The following EXOC6B variants were observed in gnomAD, a reference collection of about 807,000 sequenced individuals.
EXOC6B encodes exocyst complex component 6B.
EXOC6B carries 54 observed loss-of-function variants against 113.5 expected under a neutral mutation model. The ratio of observed to expected loss-of-function variants is 0.48; its 90% CI spans 0.38 to 0.60. The LOEUF (loss-of-function observed/expected upper bound fraction) is 0.60. EXOC6B is among the 20% of genes least tolerant of loss of function. The probability of loss-of-function intolerance (pLI) is 0.00; values close to 1 mark genes in which losing one functional copy is unlikely to be tolerated. For missense variants in EXOC6B, 797 were observed against 977.5 expected (o/e 0.82, Z 2.46); for synonymous variants, 357 against 339.0 (o/e 1.05, Z -0.58).
chr2:72,535,008 T>C (rs997614799), intron 8 of EXOC6B, among the ~76,000 whole-genome samples: 6 of 152,138 alleles, frequency 3.9e-5, no homozygotes, highest in African/African-American at 1.4e-4. Context: ...TCAGGAAACC[T>C]CCATCAAAAC....
At chr2:72,626,604 T>C (rs1370819818) in intron 6 of EXOC6B, among the ~76,000 whole-genome samples, 1 of 152,168 alleles carries the variant, frequency 6.6e-6, no homozygotes, top group Non-Finnish European at 1.5e-5. Flanking sequence ...TTATTTGCTA[T>C]TTATATACCA....
chr2:72,508,176 A>C (rs1361016394), intron 11 of EXOC6B, among the ~76,000 whole-genome samples: 14 of 149,570 alleles, frequency 9.4e-5, no homozygotes, highest in African/African-American at 3.5e-4. Flanking sequence ...AAAAAAAAAA[A>C]AAAAAAAAAC....
rs192129881 is a variant in EXOC6B at position 72,298,311 on chromosome 2, C to A, written c.2196+36636G>T. On this transcript the variant is annotated intron_variant, in intron 20 of 21. Coordinates refer to ENST00000272427, the MANE Select transcript of EXOC6B (RefSeq NM_015189.3). ...TCAGAGACTAGGATTGCAACCCCTG[C>A]TTTTTTTTTAACTTTCCATTTGCTT... Among the ~76,000 whole-genome samples, 108 of 150,876 alleles carry A rather than the reference C, an allele frequency of 7.2e-4. 1 individual carries two copies. The East Asian group carries it at 0.02, about 29-fold the overall frequency.
chr2:72,782,465 T>C (rs1450451932), intron 1 of EXOC6B, among the ~76,000 whole-genome samples: 1 of 152,228 alleles, frequency 6.6e-6, no homozygotes, highest in Non-Finnish European at 1.5e-5. Context: ...ATAGACTGTG[T>C]AATGATTAAG....
intron 1 of EXOC6B, among the ~76,000 whole-genome samples, chr2:72,776,612 GT>G (rs940400250): frequency 2.0e-5 from 3 of 149,332 alleles, no homozygotes; most frequent in Admixed American, 2.0e-4. Context: ...AGACAGCCAG[GT>G]CTCAAAAAAA....
At chr2:72,214,794 T>G (rs1680413491) in intron 20 of EXOC6B, among the ~76,000 whole-genome samples, 1 of 152,188 alleles carries the variant, frequency 6.6e-6, no homozygotes, top group African/African-American at 2.4e-5. Context: ...AAACAAAAGC[T>G]GAGAACTCAG....
At chr2:72,301,700 T>C (rs1214722236) in intron 20 of EXOC6B, among the ~76,000 whole-genome samples, 1 of 152,200 alleles carries the variant, frequency 6.6e-6, no homozygotes, top group African/African-American at 2.4e-5. Flanking sequence ...ACATCCCCTT[T>C]GTTGTTTCCT....
intron 8 of EXOC6B, among the ~76,000 whole-genome samples, chr2:72,526,444 G>C (rs1183692411): frequency 6.6e-6 from 1 of 151,954 alleles, no homozygotes; most frequent in Non-Finnish European, 1.5e-5. Flanking sequence ...AGCTATACAT[G>C]TTATTTTTAT....
intron 21 of EXOC6B, among the ~76,000 whole-genome samples, 195 bp downstream of exon 21, chr2:72,183,880 A>G (rs913953389): frequency 6.6e-6 from 1 of 152,144 alleles, no homozygotes; most frequent in African/African-American, 2.4e-5. Context: ...GGGGCTCAGG[A>G]ATTAATAAGC....
chr2:72,770,244 T>C (rs576323662), intron 1 of EXOC6B, among the ~76,000 whole-genome samples: 2 of 151,750 alleles, frequency 1.3e-5, no homozygotes, highest in South Asian at 2.1e-4. Context: ...AAATAGTACA[T>C]AAAAATTATA....
At chr2:72,808,116 G>T (rs1430252276) in intron 1 of EXOC6B, among the ~76,000 whole-genome samples, 1 of 151,834 alleles carries the variant, frequency 6.6e-6, no homozygotes, top group Non-Finnish European at 1.5e-5. Context: ...AACCAGAAAA[G>T]AAATGATTTA....
At position 72,644,389 on chromosome 2, in the gene EXOC6B, G is replaced by A. The variant is rs192270316; in HGVS notation, c.670-68721C>T. Among the ~76,000 whole-genome samples the A allele has an allele frequency of 9.2e-5, 14 of 151,748 alleles. No homozygotes were observed. In the East Asian group the frequency reaches 2.5e-3, roughly 27 times the overall value. ...AAACACTCTGCAGGATATTATCCAG[G>A]AGAACCTAGCAAGGCAGGCCAACAT... is the stretch of plus-strand genomic sequence containing the variant. On this transcript the variant is annotated intron_variant, in intron 6 of 21. Coordinates refer to ENST00000272427, the MANE Select transcript of EXOC6B (RefSeq NM_015189.3).
chr2:72,252,269 T>C (rs1326341780), intron 20 of EXOC6B, among the ~76,000 whole-genome samples: 1 of 149,566 alleles, frequency 6.7e-6, no homozygotes, highest in East Asian at 1.9e-4. Flanking sequence ...CTGCCACTAT[T>C]GCCTATGTAA....
intron 20 of EXOC6B, among the ~76,000 whole-genome samples, chr2:72,248,984 C>T (rs577117319): frequency 5.9e-5 from 9 of 152,270 alleles, no homozygotes; most frequent in African/African-American, 2.2e-4. Context: ...GCAAACAAGG[C>T]TGGGTGTGGT....
intron 20 of EXOC6B, among the ~76,000 whole-genome samples, chr2:72,265,861 G>T (rs1276912729): frequency 6.6e-6 from 1 of 152,210 alleles, no homozygotes; most frequent in Non-Finnish European, 1.5e-5. Context: ...CCGGTTTACA[G>T]TCCCAGCAAC....
intron 18 of EXOC6B, among the ~76,000 whole-genome samples, chr2:72,422,296 T>G (rs747742901): frequency 2.6e-5 from 4 of 152,354 alleles, no homozygotes; most frequent in Non-Finnish European, 5.9e-5. Flanking sequence ...CTCCTGAGTC[T>G]GGTGGGGACG....
At position 72,678,756 on chromosome 2, in the gene EXOC6B, C is replaced by T. The variant is rs566015651; in HGVS notation, c.669+39347G>A. 2.0e-5 allele frequency among the ~76,000 whole-genome samples: 3 copies of T among 152,222 alleles called. No individual in the cohort carries two copies. In the South Asian group the frequency reaches 6.2e-4, roughly 32 times the overall value. ...GCAGACTGATAGCTAAAACACACGCCACAACAGTCTGTTTAAATTAGAACA... is the reference window on the plus strand; with the variant it reads ...GCAGACTGATAGCTAAAACACACGCTACAACAGTCTGTTTAAATTAGAACA... On this transcript the variant is annotated intron_variant, in intron 6 of 21. Transcript: ENST00000272427.
At chr2:72,566,217 T>C (rs1209554344) in intron 7 of EXOC6B, among the ~76,000 whole-genome samples, 1 of 152,160 alleles carries the variant, frequency 6.6e-6, no homozygotes, top group Non-Finnish European at 1.5e-5. Context: ...TGGCAAACAC[T>C]GATCATTTTC....
At chr2:72,264,556 C>T (rs530967117) in intron 20 of EXOC6B, among the ~76,000 whole-genome samples, 20 of 152,036 alleles carry the variant, frequency 1.3e-4, no homozygotes, top group African/African-American at 4.1e-4. Context: ...AGGTGACGAG[C>T]GAAATTCTGC....
Sources: allele counts gnomAD v4.1 joint callset (sites outside exome capture counted in the v4.1 genomes callset), GRCh38; gene constraint gnomAD v4.1.1; transcripts MANE v1.5; gene names NCBI Gene and HGNC (gene_info 2026-07-23, HGNC 2026-07-21).